The following BBIP1 variants were observed in gnomAD, a reference collection of about 807,000 sequenced individuals.
BBIP1 encodes the protein BBSome-interacting protein 1.
BBIP1 carries 6 observed loss-of-function variants against 8.9 expected under a neutral mutation model. The observed-to-expected ratio is 0.67, with a 90% CI of 0.37 to 1.33. BBIP1 has a LOEUF of 1.33. BBIP1 is among the 40% of genes most tolerant of loss of function. The probability of loss-of-function intolerance (pLI) is 0.02; values close to 1 mark genes in which losing one functional copy is unlikely to be tolerated. For synonymous variants in BBIP1, 32 were observed against 33.4 expected, an observed-to-expected ratio of 0.96 and a Z score of 0.14; for missense variants, 111 against 109.2, an observed-to-expected ratio of 1.02 and a Z score of -0.07.
chr10:110,900,706 T>C, intron 3 of BBIP1, 180 bp from the exon 4 acceptor site: 1 of 561,798 alleles, frequency 1.8e-6, no homozygotes, highest in Non-Finnish European at 3.0e-6. Flanking sequence ...GCGCATTTCT[T>C]ACTAGTAGGG....
Position 110,901,592 on chromosome 10 carries a change from T to G in BBIP1, c.58A>C (p.Asn20His). ...ELSGKNTISN[N>H]SDMAEVKSMF... ...GACTTCACTTCTGCCATATCTGAGT[T>G]GTTGGATATAGTGTTTTTTCCTTCA... Residue 20 changes from asparagine to histidine, a missense_variant, in exon 3 of 4, where the codon AAC becomes CAC. Transcript: ENST00000448814. 6.5e-7 allele frequency: 1 copy of G among 1,535,462 alleles called. No individual in the cohort carries two copies. Among genetic ancestry groups the G allele is most frequent in the Non-Finnish European group, 8.7e-7 (1 of 1,146,318 alleles).
At position 110,900,423 on chromosome 10, in the gene BBIP1, T is replaced by G; in HGVS notation, c.216A>C (p.Ala72=). ...CTTGTTGGCGAATTGTATTCTGTGC[T>G]GCTTGATGCATTTTCTCTAGTTTTT... ...TLEKLEKMHQ[A]AQNTIRQQEM... The change falls in exon 4 of 4, where the codon GCA becomes GCC. Residue 72 remains alanine, a synonymous_variant. Transcript: ENST00000448814. 6.5e-7 allele frequency: 1 copy of G among 1,535,982 alleles called. No individual in the cohort carries two copies. Among genetic ancestry groups the G allele is most frequent in the African/African-American group, 1.4e-5 (1 of 73,168 alleles).
intron 2 of BBIP1, among the ~76,000 whole-genome samples, chr10:110,905,417 C>T (rs1475809968): frequency 6.6e-6 from 1 of 152,062 alleles, no homozygotes; most frequent in Non-Finnish European, 1.5e-5. Flanking sequence ...AAAAAATTAG[C>T]AGGGCGTAGT....
At chr10:110,905,475 T>G (rs1169078167) in intron 2 of BBIP1, among the ~76,000 whole-genome samples, 1 of 151,922 alleles carries the variant, frequency 6.6e-6, no homozygotes, top group African/African-American at 2.4e-5. Flanking sequence ...GGCAGGAGAA[T>G]GGCGTGAACC....
At chr10:110,901,726 C>A in intron 2 of BBIP1, 114 bp from the exon 3 acceptor site, 2 of 754,454 alleles carry the variant, frequency 2.7e-6, no homozygotes, top group Admixed American at 2.2e-5. Flanking sequence ...GTGAACTACC[C>A]TAACCTTGTA....
Position 110,898,749 on chromosome 10 carries a change from T to C in BBIP1, c.*1611A>G, listed in dbSNP as rs1430030649. 6.6e-6 allele frequency: 1 copy of C among 152,598 alleles called. No homozygotes were observed. Among genetic ancestry groups the C allele is most frequent in the African/African-American group, 2.4e-5 (1 of 41,434 alleles). 9.5% of individuals were successfully genotyped at this position (152,598 alleles called of 1,614,324 possible). A position where few individuals can be genotyped will look rare whatever the true frequency, so the allele number is the denominator to read the frequency against. On this transcript the variant is annotated 3_prime_UTR_variant, in exon 4 of 4. Coordinates refer to ENST00000448814, the MANE Select transcript of BBIP1 (RefSeq NM_001195305.3). The stretch of plus-strand genomic sequence containing the variant: ...AACATGTGAAGCAGTATTGATTCTT[T>C]ATTGGGAGTACATTTTTTTAGGTCT...
rs1016256413 is a variant in BBIP1 at position 110,898,812 on chromosome 10, A to G, written c.*1548T>C. The G allele has an allele frequency of 1.3e-5, 2 of 152,610 alleles. No individual in the cohort carries two copies. The highest frequency in any genetic ancestry group is 2.9e-5 in the Non-Finnish European group (2 of 68,024). 9.5% of individuals were successfully genotyped at this position (152,610 alleles called of 1,614,324 possible). A position where few individuals can be genotyped will look rare whatever the true frequency, so the allele number is the denominator to read the frequency against. On this transcript the variant is annotated 3_prime_UTR_variant, in exon 4 of 4. Transcript: ENST00000448814. ...TTTCACACAGTAAATTTTGAATCTC[A>G]TAAGGAAGCATATTTGAACCTAGTC... is the stretch of plus-strand genomic sequence containing the variant.
intron 2 of BBIP1, among the ~76,000 whole-genome samples, chr10:110,909,416 G>C (rs1846220347): frequency 6.6e-6 from 1 of 152,074 alleles, no homozygotes; most frequent in African/African-American, 2.4e-5. Context: ...GGATGGTCTC[G>C]ATCTCCTGAC....
intron 2 of BBIP1, chr10:110,907,695 A>G (rs1184078018): frequency 1.4e-6 from 1 of 695,908 alleles, no homozygotes; most frequent in Non-Finnish European, 2.6e-6. Flanking sequence ...TTGCTTGTAT[A>G]CCCCTCCGAT....
At chr10:110,918,658 AGG>A (rs1846505896) in intron 1 of BBIP1, among the ~76,000 whole-genome samples, 1 of 152,286 alleles carries the variant, frequency 6.6e-6, no homozygotes, top group Non-Finnish European at 1.5e-5. Flanking sequence ...TGGCTGGGTT[AGG>A]GCGGCCTGTA....
intron 1 of BBIP1, 51 bp from the exon 2 acceptor site, chr10:110,918,264 A>G (rs1382355562): frequency 1.0e-6 from 1 of 967,838 alleles, no homozygotes; most frequent in Non-Finnish European, 1.5e-6. Context: ...AAAGCAATAC[A>G]GTATTTTCAA....
intron 2 of BBIP1, among the ~76,000 whole-genome samples, chr10:110,916,029 G>A (rs530865921): frequency 4.9e-4 from 75 of 152,318 alleles, no homozygotes. Context: ...TATTAATAGA[G>A]TGAGTAGGCT....
In BBIP1 at chr10:110,901,556, C is replaced by G. The variant is rs778462010; in HGVS notation, c.94G>C (p.Glu32Gln). 6.5e-7 allele frequency: 1 copy of G among 1,535,416 alleles called. No homozygotes were observed. Among genetic ancestry groups the G allele is most frequent in the South Asian group, 1.2e-5 (1 of 84,050 alleles). The change falls in exon 3 of 4, where the codon GAA (glutamate) becomes CAA (glutamine). Residue 32 changes from glutamate (E) to glutamine (Q), a missense_variant. Transcript: ENST00000448814. Reference protein sequence around the residue: ...DMAEVKSMFREVLPKQGPLFV... With the variant: ...DMAEVKSMFRQVLPKQGPLFV... Reference sequence around the variant, plus strand: ...TACATACCTTGCTTTGGAAGAACTTCCCGGAACATTGACTTCACTTCTGCC... The same window carrying G: ...TACATACCTTGCTTTGGAAGAACTTGCCGGAACATTGACTTCACTTCTGCC...
chr10:110,915,353 C>T lies in BBIP1; in HGVS notation c.37+2768G>A, dbSNP rs371450619. Among the ~76,000 whole-genome samples the T allele has an allele frequency of 3.1e-3, 478 of 151,998 alleles. 25 individuals carry two copies. The South Asian group carries it at 0.092, about 29-fold the overall frequency. ...TTTATTTTTTGAGACAGGGTTTTGC[C>T]GTATTGCCCAGGCTGGTCTCAAACT... On this transcript the variant is annotated intron_variant, in intron 2 of 3. Transcript: ENST00000448814.
intron 2 of BBIP1, among the ~76,000 whole-genome samples, chr10:110,905,786 T>G (rs1288711815): frequency 1.3e-5 from 2 of 152,180 alleles, no homozygotes; most frequent in Non-Finnish European, 2.9e-5. Context: ...TAAATTTAAA[T>G]TATAAAGGAT....
rs565692123 is a variant in BBIP1, at chr10:110,899,846, A to G, written c.*514T>C. 3 of 152,214 alleles carry G rather than the reference A, an allele frequency of 2.0e-5. No individual in the cohort carries two copies. In the East Asian group the frequency reaches 5.8e-4, roughly 29 times the overall value. The allele number at this position is 152,214 out of a possible 1,614,324, so 9.4% of individuals were successfully genotyped here. The stretch of plus-strand genomic sequence containing the variant: ...AGACAGTTTTGTCATTACTGGTGGG[A>G]TCTGGTCACACAAGATAGCATTAAA... On this transcript the variant is annotated 3_prime_UTR_variant, in exon 4 of 4. Transcript: ENST00000448814.
chr10:110,911,518 T>C (rs1219248321), intron 2 of BBIP1: 2 of 151,894 alleles, frequency 1.3e-5, no homozygotes, highest in East Asian at 3.9e-4. Flanking sequence ...GCAGTAATTT[T>C]GAAAAAACTT....
At chr10:110,911,617 C>T (rs1424148566) in intron 2 of BBIP1, 3 of 151,292 alleles carry the variant, frequency 2.0e-5, no homozygotes, top group Admixed American at 6.6e-5. Flanking sequence ...GGGAGGTGAA[C>T]GGGCACATGG....
Position 110,900,214 on chromosome 10 carries a change from C to T in BBIP1, c.*146G>A. On this transcript the variant is annotated 3_prime_UTR_variant, in exon 4 of 4. Coordinates refer to ENST00000448814, the MANE Select transcript of BBIP1 (RefSeq NM_001195305.3). ...GTGTTTACATTCACAATACAAATTT[C>T]ATCAATCTTGGATATTTTTGTATTT... 1 of 824,334 alleles carries T rather than the reference C, an allele frequency of 1.2e-6. No homozygotes were observed. The highest frequency in any genetic ancestry group is 1.8e-6 in the Non-Finnish European group (1 of 565,752). 51.1% of individuals were successfully genotyped at this position (824,334 alleles called of 1,614,324 possible).
Sources: allele counts gnomAD v4.1 joint callset (sites outside exome capture counted in the v4.1 genomes callset), GRCh38; gene constraint gnomAD v4.1.1; transcripts MANE v1.5; gene names NCBI Gene and HGNC (gene_info 2026-07-23, HGNC 2026-07-21).